The following VWA8 variants were observed in gnomAD, a reference collection of about 807,000 sequenced individuals.
VWA8 encodes von Willebrand factor A domain-containing protein 8.
VWA8 carries 221 observed loss-of-function variants against 241.5 expected under a neutral mutation model. The ratio of observed to expected loss-of-function variants is 0.91; its 90% CI spans 0.82 to 1.02. The LOEUF (loss-of-function observed/expected upper bound fraction) is 1.02. Ranked by LOEUF, VWA8 falls within the 50% of genes least tolerant of loss-of-function variation. VWA8 has a pLI of 0.00. For synonymous variants in VWA8, 852 were observed against 827.1 expected, an observed-to-expected ratio of 1.03 and a Z score of -0.52; for missense variants, 2,322 against 2,328.7, an observed-to-expected ratio of 1.00 and a Z score of 0.06.
intron 22 of VWA8, among the ~76,000 whole-genome samples, chr13:41,730,539 G>A (rs2026891): frequency 0.57 from 85,812 of 151,756 alleles, 24,463 homozygotes; most frequent in Non-Finnish European, 0.61. Context: ...GGTTTTGTAG[G>A]GACAGAATCT....
intron 26 of VWA8, among the ~76,000 whole-genome samples, chr13:41,716,319 C>T (rs576598807): frequency 2.0e-3 from 302 of 152,176 alleles, no homozygotes; most frequent in Non-Finnish European, 2.9e-3. Context: ...TTCACCTCAT[C>T]ACATTGGGCC....
At chr13:41,746,262 G>C (rs940533615) in intron 21 of VWA8, among the ~76,000 whole-genome samples, 8 of 152,168 alleles carry the variant, frequency 5.3e-5, no homozygotes, top group Admixed American at 1.3e-4. Flanking sequence ...CTAGTGGCAA[G>C]GGACATAACA....
chr13:41,630,636 T>C (rs2044720298), intron 37 of VWA8, among the ~76,000 whole-genome samples: 2 of 152,018 alleles, frequency 1.3e-5, no homozygotes, highest in Admixed American at 1.3e-4. Context: ...ACTTTCTCAC[T>C]GGAATGACCT....
chr13:41,848,554 T>C (rs1872388513), intron 12 of VWA8, among the ~76,000 whole-genome samples: 1 of 152,316 alleles, frequency 6.6e-6, no homozygotes, highest in East Asian at 1.9e-4. Flanking sequence ...ATGATGGTTT[T>C]ATAAGCATCT....
intron 37 of VWA8, among the ~76,000 whole-genome samples, chr13:41,657,117 C>G (rs879629837): frequency 3.9e-5 from 6 of 152,162 alleles, no homozygotes; most frequent in African/African-American, 9.7e-5. Context: ...TGAAATTACA[C>G]GGAGAGACAT....
At chr13:41,691,623 G>A (rs923465818) in intron 31 of VWA8, among the ~76,000 whole-genome samples, 178 bp from the exon 32 acceptor site, 1 of 151,882 alleles carries the variant, frequency 6.6e-6, no homozygotes. Context: ...ACTATGTCAG[G>A]GTGTGTATAA....
chr13:41,734,279 A>G (rs1477314160), intron 21 of VWA8, among the ~76,000 whole-genome samples: 1 of 152,178 alleles, frequency 6.6e-6, no homozygotes, highest in Admixed American at 6.5e-5. Context: ...CGGGGGTTGC[A>G]GTGAGCTGAG....
intron 29 of VWA8, 84 bp from the exon 30 acceptor site, chr13:41,693,056 C>T: frequency 8.4e-6 from 7 of 831,686 alleles, no homozygotes; most frequent in South Asian, 1.6e-5. Context: ...GGCAACCTGA[C>T]AGTGAAGGTT....
chr13:41,660,010 T>TA (rs897286812), intron 37 of VWA8, among the ~76,000 whole-genome samples: 40 of 152,370 alleles, frequency 2.6e-4, no homozygotes, highest in Admixed American at 1.2e-3. Flanking sequence ...TTATCATAAA[T>TA]ACTTTAAAAA....
At chr13:41,851,700 A>G (rs1872539431) in intron 12 of VWA8, among the ~76,000 whole-genome samples, 1 of 150,406 alleles carries the variant, frequency 6.6e-6, no homozygotes, top group Non-Finnish European at 1.5e-5. Context: ...GTTCAATTAA[A>G]CCTTTTTCTT....
intron 1 of VWA8, among the ~76,000 whole-genome samples, chr13:41,956,939 T>A (rs897113206): frequency 2.6e-5 from 4 of 152,200 alleles, no homozygotes; most frequent in Non-Finnish European, 5.9e-5. Context: ...AAAAAATGTA[T>A]CTGTATAAAT....
intron 26 of VWA8, 122 bp downstream of exon 26, chr13:41,719,469 C>T (rs2045368176): frequency 8.4e-6 from 13 of 1,541,886 alleles, no homozygotes; most frequent in Non-Finnish European, 8.7e-6. Flanking sequence ...GCAACATATA[C>T]ATGTATTTGA....
At position 41,567,573 on chromosome 13, in the gene VWA8, C is replaced by T. The variant is rs2044269457; in HGVS notation, c.*624G>A. 1 of 152,164 alleles carries T rather than the reference C, an allele frequency of 6.6e-6. No individual in the cohort carries two copies. The highest frequency in any genetic ancestry group is 1.5e-5 in the Non-Finnish European group (1 of 68,038). The allele number at this position is 152,164 out of a possible 1,614,324, so 9.4% of individuals were successfully genotyped here. ...AAGTCACGTGGAAAGGCAAGCACTC[C>T]AAGGATTTTTTGATTCCTTTTGGCT... On this transcript the variant is annotated 3_prime_UTR_variant, in exon 45 of 45. Transcript: ENST00000379310.
chr13:41,691,292 C>A (rs368230401), intron 32 of VWA8, 28 bp downstream of exon 32: 2 of 1,607,870 alleles, frequency 1.2e-6, no homozygotes, highest in South Asian at 2.2e-5. Context: ...ACAACATACT[C>A]CATGATACAC....
intron 43 of VWA8, among the ~76,000 whole-genome samples, chr13:41,574,544 T>C (rs1425584683): frequency 2.0e-5 from 3 of 152,114 alleles, no homozygotes; most frequent in Non-Finnish European, 2.9e-5. Flanking sequence ...AATACCATCA[T>C]TATTTTTCAA....
At chr13:41,847,650 G>C (rs1872348215) in intron 12 of VWA8, among the ~76,000 whole-genome samples, 1 of 152,182 alleles carries the variant, frequency 6.6e-6, no homozygotes, top group Non-Finnish European at 1.5e-5. Flanking sequence ...TAGACTCTCT[G>C]GTGGTAGAGC....
In VWA8 at chr13:41,625,972, T is replaced by C. The variant is rs1376836034; in HGVS notation, c.4612-10888A>G. Among the ~76,000 whole-genome samples, 11 of 151,050 alleles carry C rather than the reference T, an allele frequency of 7.3e-5. 1 individual carries two copies. Among genetic ancestry groups the C allele is most frequent in the East Asian group, 2.0e-4 (1 of 5,100 alleles). On this transcript the variant is annotated intron_variant, in intron 37 of 44. Coordinates refer to ENST00000379310, the MANE Select transcript of VWA8 (RefSeq NM_015058.2). ...CTGGAAACCATCATTCTCAGCAAAC[T>C]ATCGCAAGGACAAAAAACCAAACAC... is the stretch of plus-strand genomic sequence containing the variant.
chr13:41,568,180 G>A lies in VWA8; in HGVS notation c.*17C>T. 1 of 1,568,150 alleles carries A rather than the reference G, an allele frequency of 6.4e-7. No homozygotes were observed. Among genetic ancestry groups the A allele is most frequent in the Non-Finnish European group, 8.8e-7 (1 of 1,138,336 alleles). ...TATTTCAAATCCTGGTGTCATCAGG[G>A]TGATGAAGGGCACTTCTTAGACACT... On this transcript the variant is annotated 3_prime_UTR_variant, in exon 45 of 45. Transcript: ENST00000379310.
chr13:41,657,953 T>C (rs2044920970), intron 37 of VWA8, among the ~76,000 whole-genome samples: 2 of 152,238 alleles, frequency 1.3e-5, no homozygotes, highest in African/African-American at 2.4e-5. Context: ...ACACAGACAC[T>C]GGTAACTTGC....
Sources: allele counts gnomAD v4.1 joint callset (sites outside exome capture counted in the v4.1 genomes callset), GRCh38; gene constraint gnomAD v4.1.1; transcripts MANE v1.5; gene names NCBI Gene and HGNC (gene_info 2026-07-23, HGNC 2026-07-21).